Variants in ANO10 observed in about 807,000 individuals in gnomAD.
ANO10 encodes anoctamin-10.
A neutral mutation model predicts 74.7 loss-of-function variants in ANO10; 77 were observed. The ratio of observed to expected loss-of-function variants is 1.03; its 90% CI spans 0.86 to 1.25. ANO10 has a LOEUF of 1.25. Among genes scored for constraint, ANO10 ranks in the 50% most tolerant of loss-of-function variants. The pLI, the probability that ANO10 is intolerant of heterozygous loss-of-function variation, is 0.00. For missense variants in ANO10, 721 were observed against 778.1 expected (o/e 0.93, Z 0.87); for synonymous variants, 279 against 284.9 (o/e 0.98, Z 0.21).
At chr3:43,389,928 A>T (rs1293458788) in intron 12 of ANO10, among the ~76,000 whole-genome samples, 1 of 152,186 alleles carries the variant, frequency 6.6e-6, no homozygotes, top group African/African-American at 2.4e-5. Flanking sequence ...AAACAAAACA[A>T]AACAGCGGGT....
intron 6 of ANO10, among the ~76,000 whole-genome samples, chr3:43,575,859 G>A (rs1033112314): frequency 1.3e-5 from 2 of 151,986 alleles, no homozygotes; most frequent in African/African-American, 2.4e-5. Flanking sequence ...GGCTGGTCTC[G>A]AACTCCTGAA....
At chr3:43,584,389 T>C (rs1012568579) in intron 4 of ANO10, among the ~76,000 whole-genome samples, 2 of 152,058 alleles carry the variant, frequency 1.3e-5, no homozygotes, top group African/African-American at 4.8e-5. Context: ...AGATGGACAG[T>C]GGGAAGCCAG....
intron 12 of ANO10, among the ~76,000 whole-genome samples, chr3:43,401,280 ACTCAT>A: frequency 6.6e-6 from 1 of 152,292 alleles, no homozygotes; most frequent in Non-Finnish European, 1.5e-5. Flanking sequence ...TCATGTGAAC[ACTCAT>A]GATCCAAAGG....
At chr3:43,685,328 C>T (rs1272656910) in intron 1 of ANO10, among the ~76,000 whole-genome samples, 1 of 152,164 alleles carries the variant, frequency 6.6e-6, no homozygotes, top group Non-Finnish European at 1.5e-5. Context: ...TTTGCTTTTT[C>T]CACATATCAA....
At chr3:43,524,033 G>A (rs2078077624) in intron 11 of ANO10, among the ~76,000 whole-genome samples, 1 of 152,030 alleles carries the variant, frequency 6.6e-6, no homozygotes, top group Non-Finnish European at 1.5e-5. Flanking sequence ...GCTCACCTAG[G>A]GGCTACACCT....
intron 11 of ANO10, among the ~76,000 whole-genome samples, chr3:43,472,233 G>A (rs1489803449): frequency 6.6e-6 from 1 of 152,106 alleles, no homozygotes; most frequent in Non-Finnish European, 1.5e-5. Context: ...TTAAGGGTAG[G>A]GAGAGAGTTT....
upstream of ANO10, among the ~76,000 whole-genome samples, chr3:43,626,179 C>T (rs2083489545): frequency 6.6e-6 from 1 of 152,126 alleles, no homozygotes; most frequent in African/African-American, 2.4e-5. Flanking sequence ...AGTGACCCAC[C>T]CACCTCGGCC....
intron 1 of ANO10, among the ~76,000 whole-genome samples, chr3:43,614,603 G>C (rs1160430574): frequency 1.3e-5 from 2 of 151,656 alleles, no homozygotes; most frequent in Non-Finnish European, 2.9e-5. Context: ...TTGGGGATAG[G>C]TGTAGAAAAT....
chr3:43,546,661 C>T (rs1450807535), intron 11 of ANO10, among the ~76,000 whole-genome samples: 1 of 151,140 alleles, frequency 6.6e-6, no homozygotes, highest in Non-Finnish European at 1.5e-5. Flanking sequence ...AAAAAACACA[C>T]CTCAGTATAT....
intron 11 of ANO10, among the ~76,000 whole-genome samples, chr3:43,530,977 A>G (rs1347639157): frequency 6.6e-6 from 1 of 152,148 alleles, no homozygotes; most frequent in Non-Finnish European, 1.5e-5. Flanking sequence ...CAAAAACCTA[A>G]TCCTATGTTA....
intron 1 of ANO10, chr3:43,689,320 T>G (rs2084320460): frequency 6.6e-6 from 1 of 152,328 alleles, no homozygotes; most frequent in Admixed American, 6.5e-5. Flanking sequence ...CCTGTCTTGC[T>G]GCTGTCCAAG....
rs1237006574 is a variant in ANO10 at position 43,366,134 on chromosome 3, G to A, written c.*772C>T. On this transcript the variant is annotated 3_prime_UTR_variant, in exon 13 of 13. Transcript: ENST00000292246. ...GGCACCATGGGTACACCCTGCATGT[G>A]AAAGCAGCCCTAGTGTCCCTGTAGG... The A allele has an allele frequency of 6.5e-6, 1 of 152,912 alleles. No homozygotes were observed. The highest frequency in any genetic ancestry group is 2.4e-5 in the African/African-American group (1 of 41,468). The allele number at this position is 152,912 out of a possible 1,614,324, so 9.5% of individuals were successfully genotyped here.
At chr3:43,671,462 G>A (rs2084058775) in intron 1 of ANO10, among the ~76,000 whole-genome samples, 1 of 152,040 alleles carries the variant, frequency 6.6e-6, no homozygotes, top group African/African-American at 2.4e-5. Flanking sequence ...GAGACTCAAG[G>A]AAGAAAACAT....
chr3:43,384,309 C>G (rs2092055289), intron 12 of ANO10, among the ~76,000 whole-genome samples: 1 of 152,188 alleles, frequency 6.6e-6, no homozygotes, highest in Non-Finnish European at 1.5e-5. Context: ...ACATCCCATG[C>G]TCATGGATGG....
intron 11 of ANO10, among the ~76,000 whole-genome samples, chr3:43,538,489 A>G (rs932571899): frequency 6.6e-6 from 1 of 152,254 alleles, no homozygotes; most frequent in African/African-American, 2.4e-5. Context: ...AAAATACAGA[A>G]GGATACCTTA....
At chr3:43,561,775 T>C (rs2080048630) in intron 8 of ANO10, among the ~76,000 whole-genome samples, 1 of 152,178 alleles carries the variant, frequency 6.6e-6, no homozygotes, top group South Asian at 2.1e-4. Flanking sequence ...CTGCGATACA[T>C]TTTATGTATT....
chr3:43,563,799 A>C (rs1444828492), intron 8 of ANO10, among the ~76,000 whole-genome samples: 1 of 152,124 alleles, frequency 6.6e-6, no homozygotes, highest in African/African-American at 2.4e-5. Flanking sequence ...GAGCTAAAAA[A>C]GTTGATCTCA....
chr3:43,449,718 G>GT (rs1321745104), intron 11 of ANO10, among the ~76,000 whole-genome samples: 2 of 144,444 alleles, frequency 1.4e-5, no homozygotes, highest in Non-Finnish European at 3.2e-5. Context: ...TTCGAAGTTG[G>GT]TTAGTGCCAG....
intron 5 of ANO10, 112 bp downstream of exon 5, chr3:43,580,241 C>T: frequency 7.0e-7 from 1 of 1,421,732 alleles, no homozygotes; most frequent in South Asian, 1.2e-5. Context: ...GCTGGTGATC[C>T]CTGCCCAGTA....
Sources: allele counts gnomAD v4.1 joint callset (sites outside exome capture counted in the v4.1 genomes callset), GRCh38; gene constraint gnomAD v4.1.1; transcripts MANE v1.5; gene names NCBI Gene and HGNC (gene_info 2026-07-23, HGNC 2026-07-21).